The following AFF1 variants were observed in gnomAD, a reference collection of about 807,000 sequenced individuals.
AFF1 encodes ALF transcription elongation factor 1, also known as AF4/FMR2 family member 1.
A neutral mutation model predicts 121.7 loss-of-function variants in AFF1; 48 were observed. The observed-to-expected ratio is 0.39, with a 90% CI of 0.31 to 0.50. The LOEUF (loss-of-function observed/expected upper bound fraction) is 0.50, where lower values mean the gene tolerates loss of function less well. AFF1 is among the 20% of genes least tolerant of loss of function. The pLI is 0.76. For synonymous variants in AFF1, 613 were observed against 563.0 expected (o/e 1.09, Z -1.26); for missense variants, 1,523 against 1,511.7 (o/e 1.01, Z -0.12).
intron 14 of AFF1, among the ~76,000 whole-genome samples, chr4:87,126,814 A>G (rs151227458): frequency 2.0e-4 from 31 of 152,268 alleles, no homozygotes; most frequent in African/African-American, 6.7e-4. Flanking sequence ...GATCTCTTGG[A>G]CATTCTAGTC....
At chr4:86,968,825 A>T (rs574865381) in intron 2 of AFF1, among the ~76,000 whole-genome samples, 1 of 152,344 alleles carries the variant, frequency 6.6e-6, no homozygotes, top group East Asian at 1.9e-4. Context: ...GAGAATCAAC[A>T]GGTGTCACTT....
chr4:86,965,081 A>G (rs1399734619), intron 2 of AFF1, among the ~76,000 whole-genome samples: 1 of 152,212 alleles, frequency 6.6e-6, no homozygotes, highest in Non-Finnish European at 1.5e-5. Flanking sequence ...TTCTTAGAAA[A>G]ACAACCCAAA....
rs536128161 is a variant in AFF1, at chr4:87,126,705, CAAAT to C, written c.2812-317_2812-314del. Among the ~76,000 whole-genome samples, 1,311 of 152,226 alleles carry C rather than the reference CAAAT, an allele frequency of 8.6e-3. 9 individuals are homozygous for C. The highest frequency in any genetic ancestry group is 0.013 in the Non-Finnish European group (886 of 68,016). ...GTGGGGAAAAAATGATCCACTTTCT[CAAAT>C]AAAAGTTCTTCTCTTCCTGTTAATC... On this transcript the variant is annotated intron_variant, in intron 14 of 20. Coordinates refer to ENST00000395146, the MANE Select transcript of AFF1 (RefSeq NM_001166693.3).
At chr4:86,950,747 T>C (rs1409970176) in intron 2 of AFF1, among the ~76,000 whole-genome samples, 4 of 152,258 alleles carry the variant, frequency 2.6e-5, no homozygotes, top group East Asian at 3.8e-4. Flanking sequence ...TAGTTGACCC[T>C]GGCTGCTGCA....
Position 86,944,140 on chromosome 4 carries a change from TAAAAA to T in AFF1, c.-36-4339_-36-4335del, listed in dbSNP as rs35682600. Among the ~76,000 whole-genome samples, 346 of 96,150 alleles carry T rather than the reference TAAAAA, an allele frequency of 3.6e-3. 3 individuals carry two copies. The highest frequency in any genetic ancestry group is 0.024 in the Middle Eastern group (4 of 166). 63.1% of individuals were successfully genotyped at this position (96,150 alleles called of 152,430 possible). ...GCCTGGGTGACAGAGCAAGACCCTG[TAAAAA>T]AAAAAAAAAAAAAAAAAAGTCTTCC... On this transcript the variant is annotated intron_variant, in intron 1 of 20. Coordinates refer to ENST00000395146, the MANE Select transcript of AFF1 (RefSeq NM_001166693.3).
intron 2 of AFF1, chr4:87,007,460 T>C (rs756906985): frequency 1.2e-6 from 2 of 1,613,480 alleles, no homozygotes; most frequent in South Asian, 2.2e-5. Flanking sequence ...TCAAACGCGT[T>C]CGTGGCGAGG....
rs139506356 is a variant in AFF1 at position 87,018,334 on chromosome 4, A to T, written c.39-27832A>T. ...CAAATAAAACAAGTGCAAATTGTGGAAACACAGTGGCAAAAAACAGGATAC... is the reference window on the plus strand; with the variant it reads ...CAAATAAAACAAGTGCAAATTGTGGTAACACAGTGGCAAAAAACAGGATAC... On this transcript the variant is annotated intron_variant, in intron 2 of 20. Transcript: ENST00000395146. Among the ~76,000 whole-genome samples the T allele has an allele frequency of 7.9e-5, 12 of 152,356 alleles. No homozygotes were observed. The East Asian group carries it at 2.3e-3, about 29-fold the overall frequency.
Position 87,046,933 on chromosome 4 carries a change from T to C in AFF1, c.398T>C (p.Val133Ala). The stretch of plus-strand genomic sequence containing the variant: ...ACTCCTGCGTCTGGACCACTTTCTG[T>C]TGGCAACATTAGCCACAATCCAAAG... The part of the protein sequence containing the change: ...IHTPASGPLS[V>A]GNISHNPKMA... Residue 133 changes from valine to alanine, a missense_variant, in exon 4 of 21, where the codon GTT becomes GCT. Around this residue, in one of 5 missense-constraint regions of AFF1, gnomAD observed 369 missense variants for 367.2 expected, o/e 1.00. Transcript: ENST00000395146. The C allele has an allele frequency of 6.2e-7, 1 of 1,614,222 alleles. No homozygotes were observed. The highest frequency in any genetic ancestry group is 8.5e-7 in the Non-Finnish European group (1 of 1,180,044).
chr4:87,091,203 G>A (rs1281106610), intron 6 of AFF1, among the ~76,000 whole-genome samples: 2 of 151,824 alleles, frequency 1.3e-5, no homozygotes, highest in African/African-American at 4.8e-5. Flanking sequence ...AGGAGATCAA[G>A]ACCATCCTGG....
intron 2 of AFF1, among the ~76,000 whole-genome samples, chr4:86,960,670 A>G (rs1722086296): frequency 6.6e-6 from 1 of 152,206 alleles, no homozygotes; most frequent in Non-Finnish European, 1.5e-5. Context: ...ACAACATTTT[A>G]TGGGATTAAG....
intron 16 of AFF1, among the ~76,000 whole-genome samples, chr4:87,130,821 C>A (rs541795070): frequency 6.6e-6 from 1 of 152,270 alleles, no homozygotes; most frequent in East Asian, 1.9e-4. Context: ...CCTTAGTTTG[C>A]GTATGTGCTT....
chr4:86,996,865 C>G (rs1036858640), intron 2 of AFF1, among the ~76,000 whole-genome samples: 2 of 152,144 alleles, frequency 1.3e-5, no homozygotes, highest in African/African-American at 4.8e-5. Flanking sequence ...TCAAGATTAA[C>G]GAGTTTATGG....
At chr4:87,073,856 A>C (rs1406759177) in intron 4 of AFF1, among the ~76,000 whole-genome samples, 1 of 152,246 alleles carries the variant, frequency 6.6e-6, no homozygotes, top group Admixed American at 6.5e-5. Context: ...CAGAGAGCAG[A>C]AATACAGGTT....
At chr4:87,017,940 TA>T (rs11410710) in intron 2 of AFF1, among the ~76,000 whole-genome samples, 11 of 148,440 alleles carry the variant, frequency 7.4e-5, no homozygotes, top group South Asian at 2.1e-4. Flanking sequence ...TCGTTCTATT[TA>T]AAAAAAAAAA....
chr4:87,122,761 CTA>C (rs1268918748), intron 12 of AFF1, among the ~76,000 whole-genome samples: 4 of 151,072 alleles, frequency 2.6e-5, no homozygotes, highest in Admixed American at 2.0e-4. Flanking sequence ...TTCAGATTGT[CTA>C]TAGCAAACTG....
Position 87,134,465 on chromosome 4 carries a change from TC to T in AFF1, c.3312-3del, listed in dbSNP as rs947844590. The stretch of plus-strand genomic sequence containing the variant: ...GATCAGTTATCTCTTCTCTTCCACC[TC>T]CCAGAAGCACAGGCACACCATCCCC... On this transcript the variant is annotated splice_polypyrimidine_tract_variant and splice_region_variant and intron_variant, in intron 19 of 20. Coordinates refer to ENST00000395146, the MANE Select transcript of AFF1 (RefSeq NM_001166693.3). The T allele has an allele frequency of 6.3e-7, 1 of 1,584,840 alleles. No individual in the cohort carries two copies. The highest frequency in any genetic ancestry group is 1.3e-5 in the African/African-American group (1 of 74,370).
At chr4:87,133,719 G>A (rs371790193) in intron 19 of AFF1, among the ~76,000 whole-genome samples, 3 of 152,198 alleles carry the variant, frequency 2.0e-5, no homozygotes, top group African/African-American at 4.8e-5. Flanking sequence ...AGCCCAAACG[G>A]CAGGTGTAAC....
Position 87,114,909 on chromosome 4 carries a change from C to T in AFF1, c.2076C>T (p.Gly692=), listed in dbSNP as rs755439809. ...SLPAPSKALS[G]PEPAKDNVED... ...CTGCCCCCTCTAAGGCTCTCTCAGG[C>T]CCAGAACCCGCGAAGGACAATGTGG... Residue 692 remains glycine, a synonymous_variant, in exon 12 of 21, where the codon GGC becomes GGT. Transcript: ENST00000395146. 1.2e-6 allele frequency: 2 copies of T among 1,612,586 alleles called. No individual in the cohort carries two copies. The highest frequency in any genetic ancestry group is 2.2e-5 in the South Asian group (2 of 90,816).
At chr4:87,128,900 T>C (rs549618859) in intron 16 of AFF1, among the ~76,000 whole-genome samples, 1 of 152,244 alleles carries the variant, frequency 6.6e-6, no homozygotes, top group African/African-American at 2.4e-5. Context: ...ACTGGAACTG[T>C]ATGAATCTTT....
Sources: gnomAD v4.1 joint callset for allele counts (sites outside exome capture counted in the v4.1 genomes callset) on GRCh38, gnomAD v4.1.1 for gene constraint, gnomAD v4.1.1 regional missense constraint, MANE v1.5 for transcripts, NCBI Gene and HGNC (gene_info 2026-07-23, HGNC 2026-07-21) for gene names.